RIPK1: variants seen among roughly 807,000 people sequenced by gnomAD.
RIPK1 encodes the protein receptor interacting serine/threonine kinase 1.
A neutral mutation model predicts 62.4 loss-of-function variants in RIPK1; 27 were observed. The ratio of observed to expected loss-of-function variants is 0.43; its 90% CI spans 0.32 to 0.60. The LOEUF is 0.60. RIPK1 is among the 20% of genes least tolerant of loss of function. The pLI is 0.07. For synonymous variants in RIPK1, 287 were observed against 303.2 expected (o/e 0.95, Z 0.55); for missense variants, 735 against 831.0 (o/e 0.88, Z 1.42).
rs1024853657 is a variant in RIPK1, at chr6:3,090,160, C to T, written c.915+503C>T. ...TTTAGGAAAGTCGGCTTCTCTCCCT[C>T]CTTCCCCTGTACTTAGCAACAGATG... On this transcript the variant is annotated intron_variant, in intron 7 of 10. Coordinates refer to ENST00000259808, the MANE Select transcript of RIPK1 (RefSeq NM_001354930.2). Among the ~76,000 whole-genome samples the T allele has an allele frequency of 5.9e-5, 9 of 152,314 alleles. No individual in the cohort carries two copies. The East Asian group carries it at 1.5e-3, about 26-fold the overall frequency.
chr6:3,085,064 T>G (rs1759618326), intron 5 of RIPK1, among the ~76,000 whole-genome samples, 195 bp from the exon 6 acceptor site: 1 of 152,230 alleles, frequency 6.6e-6, no homozygotes, highest in South Asian at 2.1e-4. Flanking sequence ...GAATTTTGTT[T>G]TATCTGCAGA....
At position 3,072,380 on chromosome 6, in the gene RIPK1, T is replaced by C. The variant is rs1425370767; in HGVS notation, c.-61+3719T>C. The stretch of plus-strand genomic sequence containing the variant: ...TCTTTTTTATCTGTACTTATATCTT[T>C]ATCTATTTACATATATATATATATA... On this transcript the variant is annotated intron_variant, in intron 1 of 10. Coordinates refer to ENST00000259808, the MANE Select transcript of RIPK1 (RefSeq NM_001354930.2). The surrounding 1 kb of genome is among the most constrained non-coding windows in gnomAD (Gnocchi z 5.6). 9.7e-6 allele frequency among the ~76,000 whole-genome samples: 1 copy of C among 103,088 alleles called. No homozygotes were observed. The highest frequency in any genetic ancestry group is 2.0e-5 in the Non-Finnish European group (1 of 49,414). 67.6% of individuals were successfully genotyped at this position (103,088 alleles called of 152,430 possible).
At chr6:3,094,576 A>T (rs1760183952) in intron 7 of RIPK1, among the ~76,000 whole-genome samples, 1 of 137,294 alleles carries the variant, frequency 7.3e-6, no homozygotes, top group Non-Finnish European at 1.5e-5. Flanking sequence ...ATAAATAAAT[A>T]TTTCATATAT....
chr6:3,098,425 A>C (rs1760425267), intron 7 of RIPK1, among the ~76,000 whole-genome samples: 1 of 152,258 alleles, frequency 6.6e-6, no homozygotes, highest in Admixed American at 6.5e-5. Flanking sequence ...CAATAAGATA[A>C]TATGTGTCTA....
intron 7 of RIPK1, 39 bp downstream of exon 7, chr6:3,089,696 A>G (rs1285649079): frequency 7.6e-6 from 8 of 1,056,062 alleles, no homozygotes; most frequent in African/African-American, 1.6e-5. Flanking sequence ...TTAACATAGC[A>G]AAATATATAC....
At chr6:3,107,459 G>A (rs1464022654) in intron 9 of RIPK1, among the ~76,000 whole-genome samples, 1 of 150,948 alleles carries the variant, frequency 6.6e-6, no homozygotes, top group Non-Finnish European at 1.5e-5. Context: ...CAGCTACTTG[G>A]GAGGGTGAGG....
At chr6:3,067,418 T>G (rs890460866), upstream of RIPK1, among the ~76,000 whole-genome samples, 1 of 152,166 alleles carries the variant, frequency 6.6e-6, no homozygotes, top group Non-Finnish European at 1.5e-5. Flanking sequence ...TTGTCAGTGT[T>G]CTGAATTTTA....
intron 6 of RIPK1, among the ~76,000 whole-genome samples, chr6:3,086,131 G>T (rs1581401601): frequency 6.6e-6 from 1 of 152,132 alleles, no homozygotes; most frequent in Non-Finnish European, 1.5e-5. Flanking sequence ...ATGAGGAAAG[G>T]TGCCGGGATG....
chr6:3,098,978 G>A (rs1324606505), intron 7 of RIPK1, among the ~76,000 whole-genome samples: 1 of 152,226 alleles, frequency 6.6e-6, no homozygotes, highest in Non-Finnish European at 1.5e-5. Context: ...GGGCAAAGGA[G>A]TTCACAGCTG....
At chr6:3,081,258 T>C (rs1759365129) in intron 4 of RIPK1, 142 bp downstream of exon 4, 4 of 900,040 alleles carry the variant, frequency 4.4e-6, no homozygotes, top group African/African-American at 3.4e-5. Context: ...CGAAAGGCTC[T>C]ACCGGTGATT....
upstream of RIPK1, among the ~76,000 whole-genome samples, chr6:3,067,550 C>G (rs1044370531): frequency 6.6e-6 from 1 of 151,650 alleles, no homozygotes; most frequent in African/African-American, 2.4e-5. Context: ...GAGCTTTTGC[C>G]CGCCTTTAAT....
In RIPK1 at chr6:3,077,776, C is replaced by T. The variant is rs1271127219; in HGVS notation, c.165-3C>T. ...CTCAGCATAGCACCTTTCCTGCCCA[C>T]AGGCACAACGAGGCCCTCTTGGAGG... On this transcript the variant is annotated splice_polypyrimidine_tract_variant and splice_region_variant and intron_variant, in intron 2 of 10. Coordinates refer to ENST00000259808, the MANE Select transcript of RIPK1 (RefSeq NM_001354930.2). 17 of 1,613,994 alleles carry T rather than the reference C, an allele frequency of 1.1e-5. No homozygotes were observed. The highest frequency in any genetic ancestry group is 1.2e-5 in the Non-Finnish European group (14 of 1,179,944).
chr6:3,067,051 ATTT>A (rs36132424), upstream of RIPK1, among the ~76,000 whole-genome samples: 498 of 59,044 alleles, frequency 8.4e-3, 1 homozygote, highest in African/African-American at 0.031. Context: ...TTGCTCCAGG[ATTT>A]TTTTTTTTTT....
At chr6:3,074,829 G>C (rs1310274821) in intron 1 of RIPK1, among the ~76,000 whole-genome samples, 1 of 152,040 alleles carries the variant, frequency 6.6e-6, no homozygotes, top group Admixed American at 6.6e-5. Flanking sequence ...TTAGAGGCGC[G>C]TGCCACCACG....
upstream of RIPK1, among the ~76,000 whole-genome samples, chr6:3,066,334 G>A (rs1279128227): frequency 6.6e-6 from 1 of 152,148 alleles, no homozygotes; most frequent in Admixed American, 6.6e-5. Flanking sequence ...AGAACATAGA[G>A]ATTTTTTGTG....
At chr6:3,068,157 TTCC>T (rs1026761678), upstream of RIPK1, 47 of 955,742 alleles carry the variant, frequency 4.9e-5, no homozygotes, top group Admixed American at 6.2e-5. Flanking sequence ...ATAATCACAT[TTCC>T]TCCTCAACAG....
intron 8 of RIPK1, 80 bp downstream of exon 8, chr6:3,104,395 G>A (rs1281822417): frequency 1.4e-6 from 1 of 730,866 alleles, no homozygotes. Flanking sequence ...GACTATTCAG[G>A]ACCATATGGG....
chr6:3,074,297 G>A (rs1204909371), intron 1 of RIPK1, among the ~76,000 whole-genome samples: 1 of 152,214 alleles, frequency 6.6e-6, no homozygotes, highest in East Asian at 1.9e-4. Context: ...TAGTATGTAT[G>A]CTTTTGTATA....
chr6:3,069,602 T>C (rs1356113754), intron 1 of RIPK1, among the ~76,000 whole-genome samples: 1 of 152,224 alleles, frequency 6.6e-6, no homozygotes, highest in Non-Finnish European at 1.5e-5. Flanking sequence ...TGACTTACAC[T>C]TGAAGAAGCC....
Sources: allele counts gnomAD v4.1 joint callset (sites outside exome capture counted in the v4.1 genomes callset), GRCh38; gene constraint gnomAD v4.1.1; non-coding constraint Gnocchi (gnomAD v3.1); transcripts MANE v1.5; gene names NCBI Gene and HGNC (gene_info 2026-07-23, HGNC 2026-07-21).